The following EYA2 variants were observed in gnomAD, a reference collection of about 807,000 sequenced individuals.
The protein encoded by EYA2 is EYA transcriptional coactivator and phosphatase 2, also known as protein phosphatase EYA2.
EYA2 carries 31 observed loss-of-function variants against 69.2 expected under a neutral mutation model. The observed-to-expected ratio is 0.45, with a 90% CI of 0.34 to 0.60. The LOEUF (loss-of-function observed/expected upper bound fraction) is 0.60, where lower values mean the gene tolerates loss of function less well. Ranked by LOEUF, EYA2 falls within the 20% of genes least tolerant of loss-of-function variation. EYA2 has a pLI of 0.02. For missense variants in EYA2, 622 were observed against 701.2 expected, an observed-to-expected ratio of 0.89 and a Z score of 1.28; for synonymous variants, 257 against 279.4, an observed-to-expected ratio of 0.92 and a Z score of 0.80.
chr20:47,117,758 TCAGAGGACCA>T (rs765756677), intron 9 of EYA2: 10 of 896,494 alleles, frequency 1.1e-5, no homozygotes, highest in Non-Finnish European at 1.3e-5. Flanking sequence ...ATTAGTTAAT[TCAGAGGACCA>T]CAGATTCTTT....
At position 47,188,101 on chromosome 20, in the gene EYA2, C is replaced by T. The variant is rs144953656; in HGVS notation, c.1585C>T (p.Leu529=). The T allele has an allele frequency of 2.3e-4, 362 of 1,587,736 alleles. 1 individual carries two copies. The African/African-American group carries it at 4.4e-3, about 19-fold the overall frequency. The change falls in exon 16 of 16, where the codon CTG becomes TTG. Residue 529 remains leucine, a synonymous_variant. Coordinates refer to ENST00000327619, the MANE Select transcript of EYA2 (RefSeq NM_005244.5). ...RISCHADLEA[L]RHALELEYL ...ATCCTGCCACGCAGACCTGGAGGCA[C>T]TGAGGCACGCCCTGGAGCTGGAGTA...
intron 1 of EYA2, among the ~76,000 whole-genome samples, chr20:46,974,549 C>A (rs143981675): frequency 6.6e-6 from 1 of 152,182 alleles, no homozygotes; most frequent in Non-Finnish European, 1.5e-5. Flanking sequence ...CTCTTTCCTC[C>A]CTGGATCTCT....
intron 1 of EYA2, among the ~76,000 whole-genome samples, chr20:46,914,797 G>C (rs1434905993): frequency 6.6e-6 from 1 of 152,194 alleles, no homozygotes; most frequent in African/African-American, 2.4e-5. Flanking sequence ...GATTCAAGGA[G>C]ATAATGGGCT....
chr20:47,056,308 G>A (rs2030606779), intron 5 of EYA2, among the ~76,000 whole-genome samples: 1 of 152,122 alleles, frequency 6.6e-6, no homozygotes, highest in South Asian at 2.1e-4. Flanking sequence ...ACGCAACATG[G>A]GTACCCCAGG....
intron 7 of EYA2, among the ~76,000 whole-genome samples, chr20:47,083,445 G>T (rs1331588421): frequency 6.6e-6 from 1 of 151,978 alleles, no homozygotes; most frequent in Non-Finnish European, 1.5e-5. Context: ...AGGCTTGGTG[G>T]CGCACACCTG....
intron 1 of EYA2, among the ~76,000 whole-genome samples, chr20:46,969,882 AT>A (rs1218330232): frequency 2.0e-5 from 3 of 152,232 alleles, no homozygotes; most frequent in African/African-American, 7.2e-5. Flanking sequence ...TCATTATAAT[AT>A]AATTTACTAT....
At chr20:47,057,518 C>CA (rs1027868736) in intron 5 of EYA2, among the ~76,000 whole-genome samples, 1 of 150,888 alleles carries the variant, frequency 6.6e-6, no homozygotes, top group African/African-American at 2.4e-5. Flanking sequence ...TCACCCCCCC[C>CA]CCCCATCTCA....
chr20:47,155,647 G>A (rs149071275), intron 10 of EYA2, among the ~76,000 whole-genome samples: 9 of 151,968 alleles, frequency 5.9e-5, no homozygotes, highest in South Asian at 2.1e-4. Context: ...CCATCTCACC[G>A]CATCCTCACA....
At chr20:46,983,453 C>G (rs765433122) in intron 1 of EYA2, among the ~76,000 whole-genome samples, 1 of 152,114 alleles carries the variant, frequency 6.6e-6, no homozygotes, top group African/African-American at 2.4e-5. Context: ...CCTTTAGGGT[C>G]CCAGTTAAAA....
intron 1 of EYA2, among the ~76,000 whole-genome samples, chr20:46,899,101 A>G (rs924868158): frequency 2.6e-5 from 4 of 152,250 alleles, no homozygotes; most frequent in Non-Finnish European, 4.4e-5. Flanking sequence ...CAACTTTGTT[A>G]ACAAGGAAAC....
At chr20:47,044,321 C>T (rs1281239621) in intron 5 of EYA2, among the ~76,000 whole-genome samples, 1 of 152,158 alleles carries the variant, frequency 6.6e-6, no homozygotes, top group Non-Finnish European at 1.5e-5. Context: ...CTCATTCATT[C>T]AGCATATGTT....
At position 46,899,190 on chromosome 20, in the gene EYA2, T is replaced by C. The variant is rs1037471496; in HGVS notation, c.-11+4203T>C. Among the ~76,000 whole-genome samples the C allele has an allele frequency of 3.3e-5, 5 of 152,366 alleles. No homozygotes were observed. In the East Asian group the frequency reaches 5.8e-4, roughly 18 times the overall value. ...TACGCTTTTGCTTCTCTGCAAAGTA[T>C]GCCTTATCCATGTGCAATACAAGCT... On this transcript the variant is annotated intron_variant, in intron 1 of 15. Transcript: ENST00000327619.
intron 1 of EYA2, among the ~76,000 whole-genome samples, chr20:46,980,463 T>C (rs889163937): frequency 1.3e-5 from 2 of 152,326 alleles, no homozygotes; most frequent in Admixed American, 1.3e-4. Flanking sequence ...TTTACAATTT[T>C]GTTTAGTTTT....
Position 46,992,796 on chromosome 20 carries a change from C to T in EYA2, c.109+2677C>T, listed in dbSNP as rs183855184. ...GTAGCGCCAGTGAGGTCAGGTTACACACACACACTTTCTTTCTCATGGGGC... is the reference window on the plus strand; with the variant it reads ...GTAGCGCCAGTGAGGTCAGGTTACATACACACACTTTCTTTCTCATGGGGC... On this transcript the variant is annotated intron_variant, in intron 2 of 15. Coordinates refer to ENST00000327619, the MANE Select transcript of EYA2 (RefSeq NM_005244.5). Among the ~76,000 whole-genome samples the T allele has an allele frequency of 2.1e-3, 316 of 152,324 alleles. 3 individuals are homozygous for T. Among genetic ancestry groups the T allele is most frequent in the African/African-American group, 7.2e-3 (301 of 41,574 alleles).
intron 9 of EYA2, among the ~76,000 whole-genome samples, chr20:47,108,439 T>G (rs1487795979): frequency 1.3e-5 from 2 of 152,230 alleles, no homozygotes; most frequent in African/African-American, 4.8e-5. Context: ...TTGCCATGCT[T>G]CTTGTACAGC....
At chr20:47,003,947 A>G (rs977271263) in intron 3 of EYA2, among the ~76,000 whole-genome samples, 1 of 152,232 alleles carries the variant, frequency 6.6e-6, no homozygotes, top group Non-Finnish European at 1.5e-5. Context: ...ATTTGATAAG[A>G]GCATCCATGA....
At chr20:47,086,505 C>T (rs776030260) in intron 7 of EYA2, among the ~76,000 whole-genome samples, 1 of 151,574 alleles carries the variant, frequency 6.6e-6, no homozygotes, top group African/African-American at 2.4e-5. Flanking sequence ...GAAGCAGGCA[C>T]GTCTTACATA....
intron 8 of EYA2, among the ~76,000 whole-genome samples, chr20:47,094,038 T>G (rs1342872541): frequency 6.6e-6 from 1 of 152,154 alleles, no homozygotes; most frequent in Non-Finnish European, 1.5e-5. Flanking sequence ...CCACCCATGG[T>G]TAAGGACGCA....
intron 4 of EYA2, among the ~76,000 whole-genome samples, chr20:47,009,073 T>C (rs928688983): frequency 6.6e-6 from 1 of 152,210 alleles, no homozygotes; most frequent in Non-Finnish European, 1.5e-5. Context: ...TGGACCAGAT[T>C]TGGTCCATGA....
Sources: allele counts gnomAD v4.1 joint callset (sites outside exome capture counted in the v4.1 genomes callset), GRCh38; gene constraint gnomAD v4.1.1; transcripts MANE v1.5; gene names NCBI Gene and HGNC (gene_info 2026-07-23, HGNC 2026-07-21).